Variants in SLC9A9 observed in about 807,000 individuals in gnomAD.
SLC9A9 encodes solute carrier family 9 member A9, also known as sodium/hydrogen exchanger 9.
SLC9A9 carries 62 observed loss-of-function variants against 77.8 expected under a neutral mutation model. The ratio of observed to expected loss-of-function variants is 0.80; its 90% confidence interval spans 0.65 to 0.98. The LOEUF is 0.98. SLC9A9 is among the 50% of genes least tolerant of loss of function. SLC9A9 has a pLI of 0.00. For synonymous variants in SLC9A9, 320 were observed against 283.5 expected (o/e 1.13, Z -1.29); for missense variants, 775 against 774.9 (o/e 1.00, Z 0.00).
At chr3:143,406,978 GAAA>G (rs57344964) in intron 12 of SLC9A9, among the ~76,000 whole-genome samples, 3 of 69,366 alleles carry the variant, frequency 4.3e-5, no homozygotes, top group South Asian at 9.6e-4. Flanking sequence ...TCCATCTCGA[GAAA>G]AAAAAAAAAA....
At chr3:143,802,569 C>T (rs965498624) in intron 2 of SLC9A9, among the ~76,000 whole-genome samples, 2 of 152,186 alleles carry the variant, frequency 1.3e-5, no homozygotes, top group African/African-American at 4.8e-5. Context: ...CATTTCTTCC[C>T]TTCTGTCAGA....
At chr3:143,659,539 G>T (rs16853999) in intron 5 of SLC9A9, among the ~76,000 whole-genome samples, 1 of 152,088 alleles carries the variant, frequency 6.6e-6, no homozygotes, top group Non-Finnish European at 1.5e-5. Flanking sequence ...GAACATTCCT[G>T]CTCCTTAAAT....
At chr3:143,654,164 C>T (rs890301393) in intron 5 of SLC9A9, among the ~76,000 whole-genome samples, 13 of 152,014 alleles carry the variant, frequency 8.6e-5, no homozygotes, top group Non-Finnish European at 1.6e-4. Context: ...CAAAAGCATG[C>T]GAGGTAATAC....
At chr3:143,667,087 C>T (rs1047081879) in intron 5 of SLC9A9, among the ~76,000 whole-genome samples, 5 of 152,178 alleles carry the variant, frequency 3.3e-5, no homozygotes, top group African/African-American at 1.2e-4. Context: ...AACTATACTG[C>T]AAGGCTACAG....
chr3:143,585,269 C>T (rs766812127), intron 6 of SLC9A9, among the ~76,000 whole-genome samples: 3 of 152,188 alleles, frequency 2.0e-5, no homozygotes, highest in Admixed American at 6.5e-5. Context: ...AACTCAAAGT[C>T]ATCCCTCTGA....
chr3:143,699,178 A>T (rs573962808), intron 4 of SLC9A9, among the ~76,000 whole-genome samples: 1 of 152,210 alleles, frequency 6.6e-6, no homozygotes, highest in African/African-American at 2.4e-5. Flanking sequence ...TAATTTACAC[A>T]TTGACTCATT....
At chr3:143,617,356 A>G (rs983627549) in intron 6 of SLC9A9, among the ~76,000 whole-genome samples, 3 of 152,110 alleles carry the variant, frequency 2.0e-5, no homozygotes, top group Non-Finnish European at 4.4e-5. Flanking sequence ...TGCCATCAAA[A>G]CCCTATGGCC....
At chr3:143,791,515 C>A (rs1412204458) in intron 4 of SLC9A9, among the ~76,000 whole-genome samples, 1 of 152,176 alleles carries the variant, frequency 6.6e-6, no homozygotes, top group Non-Finnish European at 1.5e-5. Flanking sequence ...TGCTGGACTT[C>A]ATGGCCTTTT....
chr3:143,690,697 T>A (rs1407379014), intron 5 of SLC9A9, among the ~76,000 whole-genome samples: 1 of 152,156 alleles, frequency 6.6e-6, no homozygotes, highest in Non-Finnish European at 1.5e-5. Flanking sequence ...CATGTGTTCA[T>A]AATGATGTTT....
chr3:143,654,852 C>G (rs2038861734), intron 5 of SLC9A9, among the ~76,000 whole-genome samples: 1 of 152,172 alleles, frequency 6.6e-6, no homozygotes, highest in Non-Finnish European at 1.5e-5. Flanking sequence ...GAAGACTCTA[C>G]ACCTGTCTAA....
chr3:143,491,628 T>TA (rs2035747932), intron 11 of SLC9A9, among the ~76,000 whole-genome samples: 1 of 152,026 alleles, frequency 6.6e-6, no homozygotes, highest in Non-Finnish European at 1.5e-5. Flanking sequence ...GCTCCAATAC[T>TA]ACCGTTAAAC....
intron 9 of SLC9A9, among the ~76,000 whole-genome samples, chr3:143,546,609 AT>A (rs1166779175): frequency 1.3e-5 from 2 of 152,220 alleles, no homozygotes; most frequent in African/African-American, 4.8e-5. Context: ...TGAATAAATG[AT>A]ACCCCACAAT....
rs114913143 is a variant in SLC9A9 at position 143,768,205 on chromosome 3, C to T, written c.533+26796G>A. 3.0e-3 allele frequency among the ~76,000 whole-genome samples: 449 copies of T among 152,042 alleles called. 2 individuals are homozygous for T. The highest frequency in any genetic ancestry group is 0.014 in the Middle Eastern group (4 of 294). On this transcript the variant is annotated intron_variant, in intron 4 of 15. Coordinates refer to ENST00000316549, the MANE Select transcript of SLC9A9 (RefSeq NM_173653.4). The stretch of plus-strand genomic sequence containing the variant: ...GCTCCTCACTCTCATTTATTCTCAG[C>T]GAGGGGGAAAATCAGAGAAACATTT...
intron 6 of SLC9A9, among the ~76,000 whole-genome samples, chr3:143,641,542 T>C (rs1190346396): frequency 7.9e-5 from 12 of 151,800 alleles, no homozygotes; most frequent in East Asian, 3.9e-4. Context: ...TACAGGTGCC[T>C]GCCACCATGC....
At chr3:143,767,727 T>TA (rs2007372816) in intron 4 of SLC9A9, among the ~76,000 whole-genome samples, 1 of 152,184 alleles carries the variant, frequency 6.6e-6, no homozygotes, top group South Asian at 2.1e-4. Context: ...AATACATGTT[T>TA]AAAAATTGCC....
chr3:143,336,440 G>C (rs962350026), intron 14 of SLC9A9, among the ~76,000 whole-genome samples: 3 of 152,062 alleles, frequency 2.0e-5, no homozygotes, highest in Non-Finnish European at 4.4e-5. Flanking sequence ...TTTGCACACC[G>C]GTGTTCACGG....
At chr3:143,702,560 AT>A (rs1241970325) in intron 4 of SLC9A9, among the ~76,000 whole-genome samples, 1 of 148,038 alleles carries the variant, frequency 6.8e-6, no homozygotes, top group African/African-American at 2.5e-5. Flanking sequence ...TCAAAAAAAA[AT>A]ACAATAAACA....
At position 143,266,737 on chromosome 3, in the gene SLC9A9, G is replaced by C. The variant is rs1253996379; in HGVS notation, c.1903C>G (p.Leu635Val). ...TGGGATTGACCCAAAGTTTGCTCAA[G>C]CTTGAGTTCATAGCCTCCCAGGCCG... is the stretch of plus-strand genomic sequence containing the variant. Reference protein sequence around the residue: ...DLGLGGYELKLEQTLGQSQLN With the variant: ...DLGLGGYELKVEQTLGQSQLN Residue 635 changes from leucine (L) to valine (V), a missense_variant, in exon 16 of 16, where the codon CTT becomes GTT. Coordinates refer to ENST00000316549, the MANE Select transcript of SLC9A9 (RefSeq NM_173653.4). The C allele has an allele frequency of 6.2e-7, 1 of 1,614,164 alleles. No individual in the cohort carries two copies. Among genetic ancestry groups the C allele is most frequent in the Non-Finnish European group, 8.5e-7 (1 of 1,180,030 alleles).
chr3:143,662,531 G>A lies in SLC9A9; in HGVS notation c.650-10171C>T, dbSNP rs554431452. 4.7e-4 allele frequency among the ~76,000 whole-genome samples: 72 copies of A among 152,306 alleles called. 1 individual carries two copies. The highest frequency in any genetic ancestry group is 3.4e-3 in the Middle Eastern group (1 of 294). ...CTCACCCGAGAAGTGCAAGGGGTCA[G>A]GGAATTCCCTTTCCTACCCAAGGGA... On this transcript the variant is annotated intron_variant, in intron 5 of 15. Coordinates refer to ENST00000316549, the MANE Select transcript of SLC9A9 (RefSeq NM_173653.4).
Sources: allele counts gnomAD v4.1 joint callset (sites outside exome capture counted in the v4.1 genomes callset), GRCh38; gene constraint gnomAD v4.1.1; transcripts MANE v1.5; gene names NCBI Gene and HGNC (gene_info 2026-07-23, HGNC 2026-07-21).